The following SLC25A48 variants were observed in gnomAD, a reference collection of about 807,000 sequenced individuals.
SLC25A48 encodes the protein CTC-321K16.1.
A neutral mutation model predicts 32.2 loss-of-function variants in SLC25A48; 29 were observed. The observed-to-expected ratio is 0.90, with a 90% CI of 0.67 to 1.23. SLC25A48 has a LOEUF of 1.23. Ranked by LOEUF, SLC25A48 falls within the 50% of genes most tolerant of loss-of-function variation. The probability of loss-of-function intolerance (pLI) is 0.00; values close to 1 mark genes in which losing one functional copy is unlikely to be tolerated. For synonymous variants in SLC25A48, 164 were observed against 172.3 expected, an observed-to-expected ratio of 0.95 and a Z score of 0.38; for missense variants, 399 against 422.7, an observed-to-expected ratio of 0.94 and a Z score of 0.49.
At chr5:135,733,631 G>A (rs775117399) in intron 3 of SLC25A48, among the ~76,000 whole-genome samples, 19 of 152,194 alleles carry the variant, frequency 1.2e-4, no homozygotes, top group Non-Finnish European at 2.1e-4. Flanking sequence ...TGAGGGCTAG[G>A]CTAAAACAGT....
chr5:135,874,748 C>T lies in SLC25A48; in HGVS notation c.813+594C>T, dbSNP rs758855046. 5.7e-6 allele frequency: 4 copies of T among 698,212 alleles called. No individual in the cohort carries two copies. The East Asian group carries it at 1.1e-4, about 19-fold the overall frequency. The allele number at this position is 698,212 out of a possible 1,614,324, so 43.3% of individuals were successfully genotyped here. On this transcript the variant is annotated intron_variant, in intron 6 of 7. Transcript: ENST00000681962. ...GCTTAACTTAACACACACCCCTTCC[C>T]ACCACCTGAAAAGGTGCTGCCCCAG...
chr5:135,682,514 A>G (rs1041674427), intron 3 of SLC25A48, among the ~76,000 whole-genome samples: 4 of 152,244 alleles, frequency 2.6e-5, no homozygotes, highest in Non-Finnish European at 5.9e-5. Context: ...GAGCACATGT[A>G]TGTCATATGC....
At chr5:135,737,923 C>T (rs1755413792) in intron 3 of SLC25A48, among the ~76,000 whole-genome samples, 3 of 152,186 alleles carry the variant, frequency 2.0e-5, no homozygotes, top group Admixed American at 6.5e-5. Context: ...TGGCCTCGGG[C>T]ACCTTCTACA....
intron 3 of SLC25A48, among the ~76,000 whole-genome samples, chr5:135,646,880 G>T (rs1053710038): frequency 4.0e-5 from 6 of 151,284 alleles, no homozygotes; most frequent in African/African-American, 4.8e-5. Flanking sequence ...AGGATGAATA[G>T]GTTCTAGAGA....
At chr5:135,607,261 A>G (rs1038233088) in intron 1 of SLC25A48, among the ~76,000 whole-genome samples, 1 of 152,234 alleles carries the variant, frequency 6.6e-6, no homozygotes, top group African/African-American at 2.4e-5. Context: ...AATAGTGGAC[A>G]TCAAAGGTTG....
chr5:135,871,111 AG>A (rs1761610331), intron 4 of SLC25A48, among the ~76,000 whole-genome samples: 4 of 135,566 alleles, frequency 3.0e-5, no homozygotes, highest in Non-Finnish European at 6.3e-5. Flanking sequence ...ACACACACAC[AG>A]CATGTTGGAT....
chr5:135,689,731 T>C lies in SLC25A48; in HGVS notation c.-521+54775T>C, dbSNP rs79689887. Among the ~76,000 whole-genome samples the C allele has an allele frequency of 1.6e-4, 25 of 152,340 alleles. No homozygotes were observed. The East Asian group carries it at 4.6e-3, about 28-fold the overall frequency. On this transcript the variant is annotated intron_variant, in intron 3 of 10. Transcript: ENST00000646290. ...ATGAGCTTGAAAGTGCCTGTCTCTGTAACGCTGAATTGTGCAAGACATTTC... is the reference window on the plus strand; with the variant it reads ...ATGAGCTTGAAAGTGCCTGTCTCTGCAACGCTGAATTGTGCAAGACATTTC...
intron 3 of SLC25A48, among the ~76,000 whole-genome samples, chr5:135,779,126 T>C (rs1027803976): frequency 2.0e-5 from 3 of 151,678 alleles, no homozygotes; most frequent in African/African-American, 7.3e-5. Flanking sequence ...AATCCCAACA[T>C]TGCTGGAAGC....
intron 1 of SLC25A48, among the ~76,000 whole-genome samples, chr5:135,608,418 T>G (rs1751989492): frequency 6.6e-6 from 1 of 152,202 alleles, no homozygotes; most frequent in Non-Finnish European, 1.5e-5. Flanking sequence ...ATAGCTCAAG[T>G]TAGAAGTGAG....
At chr5:135,858,648 GC>G (rs1465624704) in intron 4 of SLC25A48, among the ~76,000 whole-genome samples, 3 of 152,218 alleles carry the variant, frequency 2.0e-5, no homozygotes, top group Non-Finnish European at 2.9e-5. Flanking sequence ...TGATTCAGAG[GC>G]ACTGATGCTT....
chr5:135,841,715 G>T (rs953219603), intron 1 of SLC25A48, among the ~76,000 whole-genome samples: 4 of 150,182 alleles, frequency 2.7e-5, no homozygotes, highest in South Asian at 2.2e-4. Flanking sequence ...GTGGGTGGGG[G>T]GTATAAAACA....
At chr5:135,697,976 C>G (rs1246722981) in intron 3 of SLC25A48, among the ~76,000 whole-genome samples, 1 of 152,238 alleles carries the variant, frequency 6.6e-6, no homozygotes, top group Non-Finnish European at 1.5e-5. Flanking sequence ...TCACCTTGCC[C>G]TGGACCTACC....
At chr5:135,838,588 C>A (rs1446494434) in intron 1 of SLC25A48, among the ~76,000 whole-genome samples, 1 of 152,194 alleles carries the variant, frequency 6.6e-6, no homozygotes, top group African/African-American at 2.4e-5. Flanking sequence ...CTGGGCTGGG[C>A]CCAGGGACCT....
chr5:135,715,177 A>G (rs1408658472), intron 3 of SLC25A48, among the ~76,000 whole-genome samples: 2 of 152,192 alleles, frequency 1.3e-5, no homozygotes, highest in Non-Finnish European at 2.9e-5. Context: ...AGCCACTTCG[A>G]AAAAAACAGC....
chr5:135,644,731 T>C (rs978795323), intron 3 of SLC25A48, among the ~76,000 whole-genome samples: 2 of 152,150 alleles, frequency 1.3e-5, no homozygotes, highest in African/African-American at 2.4e-5. Context: ...CATGGAACTT[T>C]TCCCCAGAGA....
intron 3 of SLC25A48, among the ~76,000 whole-genome samples, chr5:135,683,482 T>C (rs6877327): frequency 0.75 from 113,439 of 152,124 alleles, 42,891 homozygotes; most frequent in Middle Eastern, 0.86. Flanking sequence ...TCTGTATTTA[T>C]AAGTGGGATA....
intron 7 of SLC25A48, among the ~76,000 whole-genome samples, chr5:135,882,550 AG>A (rs1262687161): frequency 6.6e-6 from 1 of 152,218 alleles, no homozygotes; most frequent in Admixed American, 6.5e-5. Context: ...AAGAGCCTGC[AG>A]GGGATAGATC....
intron 3 of SLC25A48, among the ~76,000 whole-genome samples, chr5:135,753,064 C>T (rs571013317): frequency 3.0e-4 from 46 of 152,062 alleles, no homozygotes; most frequent in African/African-American, 1.0e-3. Flanking sequence ...GGTGTACGTA[C>T]ATATGGTGTA....
chr5:135,751,945 G>A (rs1334160739), intron 3 of SLC25A48, among the ~76,000 whole-genome samples: 3 of 152,006 alleles, frequency 2.0e-5, no homozygotes, highest in African/African-American at 7.2e-5. Context: ...CAATGGTATT[G>A]GAACAATTGG....
Sources: gnomAD v4.1 joint callset for allele counts (sites outside exome capture counted in the v4.1 genomes callset) on GRCh38, gnomAD v4.1.1 for gene constraint, MANE v1.5 for transcripts, NCBI Gene and HGNC (gene_info 2026-07-23, HGNC 2026-07-21) for gene names.